Variants in KLHL1 observed in about 807,000 individuals in gnomAD.
KLHL1 encodes the protein kelch-like protein 1.
KLHL1 carries 47 observed loss-of-function variants against 77.7 expected under a neutral mutation model. That is an observed-to-expected ratio of 0.60 (90% CI 0.48 to 0.77). KLHL1 has a LOEUF of 0.77. Ranked by LOEUF, KLHL1 falls within the 30% of genes least tolerant of loss-of-function variation. The probability of loss-of-function intolerance (pLI) is 0.00; values close to 1 mark genes in which losing one functional copy is unlikely to be tolerated. For synonymous variants in KLHL1, 360 were observed against 325.2 expected (o/e 1.11, Z -1.15); for missense variants, 925 against 910.8 (o/e 1.02, Z -0.20).
intron 1 of KLHL1, among the ~76,000 whole-genome samples, chr13:70,053,498 C>A (rs1008680226): frequency 2.6e-5 from 4 of 151,728 alleles, no homozygotes; most frequent in Non-Finnish European, 5.9e-5. Context: ...TTGTTAAAGA[C>A]AGAGAAATAA....
chr13:69,791,049 A>T (rs1056866450), intron 7 of KLHL1, among the ~76,000 whole-genome samples: 6 of 149,910 alleles, frequency 4.0e-5, no homozygotes, highest in Admixed American at 2.7e-4. Flanking sequence ...TGTGGGGGAA[A>T]CACACACACA....
At chr13:70,029,128 T>C (rs1593687274) in intron 1 of KLHL1, among the ~76,000 whole-genome samples, 1 of 152,304 alleles carries the variant, frequency 6.6e-6, no homozygotes, top group East Asian at 1.9e-4. Context: ...TGAGTGTGTG[T>C]ATGTGTGTTT....
intron 4 of KLHL1, among the ~76,000 whole-genome samples, chr13:69,915,570 T>C (rs546874022): frequency 6.6e-6 from 1 of 152,304 alleles, no homozygotes; most frequent in East Asian, 1.9e-4. Flanking sequence ...ATCCCTTCCT[T>C]ACACCTTATA....
chr13:70,041,485 A>G (rs1012421059), intron 1 of KLHL1, among the ~76,000 whole-genome samples: 1 of 152,166 alleles, frequency 6.6e-6, no homozygotes, highest in Non-Finnish European at 1.5e-5. Context: ...ATAGGAAGGA[A>G]AGAGACTCTT....
At chr13:69,833,207 T>A (rs1215706292) in intron 6 of KLHL1, among the ~76,000 whole-genome samples, 3 of 152,110 alleles carry the variant, frequency 2.0e-5, no homozygotes, top group African/African-American at 7.2e-5. Context: ...AAACTATGCA[T>A]CTGATAAAGG....
chr13:70,031,631 A>G (rs2501200), intron 1 of KLHL1, among the ~76,000 whole-genome samples: 89,643 of 151,898 alleles, frequency 0.59, 28,414 homozygotes, highest in East Asian at 0.81. Flanking sequence ...ATCTGTGTTG[A>G]GGTAACAGGA....
At chr13:70,100,518 A>G (rs899992902) in intron 1 of KLHL1, among the ~76,000 whole-genome samples, 8 of 152,166 alleles carry the variant, frequency 5.3e-5, no homozygotes, top group African/African-American at 1.9e-4. Context: ...TATTTTTAGT[A>G]GAGACGGGGT....
At chr13:69,968,866 T>TA (rs748936112) in intron 2 of KLHL1, among the ~76,000 whole-genome samples, 212 of 152,156 alleles carry the variant, frequency 1.4e-3, no homozygotes, top group Non-Finnish European at 2.7e-3. Context: ...CCCTAAAACT[T>TA]AAAGTATAAT....
At chr13:69,769,263 A>G (rs981270166) in intron 7 of KLHL1, among the ~76,000 whole-genome samples, 2 of 152,240 alleles carry the variant, frequency 1.3e-5, no homozygotes, top group African/African-American at 4.8e-5. Context: ...GGGTAGAGGC[A>G]ACAGCTTTTA....
intron 1 of KLHL1, among the ~76,000 whole-genome samples, chr13:70,094,110 A>C (rs1887733396): frequency 6.6e-6 from 1 of 152,148 alleles, no homozygotes; most frequent in African/African-American, 2.4e-5. Flanking sequence ...ACAAGATATT[A>C]TGTGAAAAGT....
chr13:69,789,205 T>TATCA (rs1876734560), intron 7 of KLHL1, among the ~76,000 whole-genome samples: 1 of 152,136 alleles, frequency 6.6e-6, no homozygotes, highest in African/African-American at 2.4e-5. Flanking sequence ...CGATCTATGC[T>TATCA]ATCAATTTCA....
chr13:70,079,786 A>G (rs570340634), intron 1 of KLHL1, among the ~76,000 whole-genome samples: 131 of 152,296 alleles, frequency 8.6e-4, no homozygotes, highest in Non-Finnish European at 1.6e-3. Context: ...TGATGTTAAT[A>G]TGTTCATGGA....
intron 7 of KLHL1, among the ~76,000 whole-genome samples, chr13:69,776,986 T>C (rs1173456775): frequency 6.6e-6 from 1 of 152,126 alleles, no homozygotes; most frequent in Non-Finnish European, 1.5e-5. Context: ...AAATCTCATC[T>C]TGAATTGTAG....
At chr13:69,727,613 A>C (rs183038484) in intron 8 of KLHL1, among the ~76,000 whole-genome samples, 4 of 152,270 alleles carry the variant, frequency 2.6e-5, no homozygotes, top group East Asian at 1.9e-4. Flanking sequence ...ACTGTATTCT[A>C]GAATGAAGAA....
chr13:69,891,532 T>C (rs1374314578), intron 4 of KLHL1, among the ~76,000 whole-genome samples: 1 of 152,028 alleles, frequency 6.6e-6, no homozygotes, highest in Non-Finnish European at 1.5e-5. Flanking sequence ...GGAAATAGCA[T>C]TGACTTTTTA....
At chr13:69,764,201 C>G (rs541216716) in intron 7 of KLHL1, among the ~76,000 whole-genome samples, 2 of 152,162 alleles carry the variant, frequency 1.3e-5, no homozygotes, top group Non-Finnish European at 2.9e-5. Flanking sequence ...CACAGAATTT[C>G]AGCCAATCAC....
chr13:69,982,697 C>A (rs887254065), intron 1 of KLHL1, among the ~76,000 whole-genome samples: 1 of 151,706 alleles, frequency 6.6e-6, no homozygotes, highest in African/African-American at 2.4e-5. Context: ...AATGGATACA[C>A]TTATGCAACT....
intron 1 of KLHL1, among the ~76,000 whole-genome samples, chr13:70,066,532 C>T (rs1887010817): frequency 6.6e-6 from 1 of 152,202 alleles, no homozygotes; most frequent in South Asian, 2.1e-4. Context: ...ACATTAAACA[C>T]TGCTTTGGGA....
intron 6 of KLHL1, 55 bp downstream of exon 6, chr13:69,838,921 G>T: frequency 8.6e-7 from 1 of 1,167,156 alleles, no homozygotes; most frequent in East Asian, 2.7e-5. Context: ...CAATATAAAA[G>T]CTGCAACACG....
Sources: allele counts gnomAD v4.1 joint callset (sites outside exome capture counted in the v4.1 genomes callset), GRCh38; gene constraint gnomAD v4.1.1; transcripts MANE v1.5; gene names NCBI Gene and HGNC (gene_info 2026-07-23, HGNC 2026-07-21).